Variants in CCSER2 observed in about 807,000 individuals in gnomAD.
The protein encoded by CCSER2 is coiled-coil serine rich protein 2.
Under a neutral mutation model 92.3 loss-of-function variants are expected in CCSER2, and 46 were observed. The observed-to-expected ratio is 0.50, with a 90% CI of 0.39 to 0.64. The LOEUF is 0.64. CCSER2 is among the 30% of genes least tolerant of loss of function. The pLI, the probability that CCSER2 is intolerant of heterozygous loss-of-function variation, is 0.00. For missense variants in CCSER2, 1,244 were observed against 1,238.9 expected (o/e 1.00, Z -0.06); for synonymous variants, 433 against 431.4 (o/e 1.00, Z -0.04).
intron 3 of CCSER2, among the ~76,000 whole-genome samples, chr10:84,376,698 T>C (rs1455218610): frequency 6.6e-6 from 1 of 152,124 alleles, no homozygotes; most frequent in African/African-American, 2.4e-5. Context: ...TCATTTTTGT[T>C]GGGAAAATGT....
chr10:84,434,159 C>T (rs1217244427), intron 5 of CCSER2, among the ~76,000 whole-genome samples: 1 of 151,984 alleles, frequency 6.6e-6, no homozygotes, highest in Non-Finnish European at 1.5e-5. Context: ...TTTTTATTAC[C>T]CTTCTTACAC....
intron 9 of CCSER2, among the ~76,000 whole-genome samples, chr10:84,483,050 A>T (rs895589590): frequency 6.6e-6 from 1 of 152,222 alleles, no homozygotes; most frequent in East Asian, 1.9e-4. Context: ...TATATAAAAG[A>T]TATGCATATG....
At chr10:84,359,684 A>G (rs898630355) in intron 1 of CCSER2, among the ~76,000 whole-genome samples, 7 of 152,042 alleles carry the variant, frequency 4.6e-5, no homozygotes, top group Non-Finnish European at 7.3e-5. Flanking sequence ...ATAGGGGTAT[A>G]TAAGTGCTCC....
intron 5 of CCSER2, among the ~76,000 whole-genome samples, chr10:84,436,382 T>C (rs1478503789): frequency 5.6e-5 from 7 of 125,156 alleles, no homozygotes; most frequent in African/African-American, 2.1e-4. Context: ...AAGCCTGTCA[T>C]CCCAGCACTT....
At chr10:84,394,128 T>G (rs1406750718) in intron 3 of CCSER2, among the ~76,000 whole-genome samples, 1 of 152,216 alleles carries the variant, frequency 6.6e-6, no homozygotes, top group Non-Finnish European at 1.5e-5. Context: ...TAAACATAAT[T>G]ATATTTTTCT....
chr10:84,436,959 C>T (rs1844195432), intron 5 of CCSER2, among the ~76,000 whole-genome samples: 1 of 151,890 alleles, frequency 6.6e-6, no homozygotes, highest in African/African-American at 2.4e-5. Context: ...AAATTTAATG[C>T]GTTGGAATTT....
chr10:84,369,692 TG>T (rs1196431841), intron 1 of CCSER2, among the ~76,000 whole-genome samples: 1 of 152,146 alleles, frequency 6.6e-6, no homozygotes, highest in African/African-American at 2.4e-5. Context: ...TTGTTGCATT[TG>T]CTTTTTGTGT....
intron 3 of CCSER2, chr10:84,393,859 G>A (rs748101754): frequency 1.3e-5 from 2 of 152,154 alleles, no homozygotes; most frequent in African/African-American, 2.4e-5. Context: ...GCATAGATGT[G>A]GTAGTGGAGG....
At chr10:84,434,992 A>T (rs1844019560) in intron 5 of CCSER2, among the ~76,000 whole-genome samples, 1 of 152,218 alleles carries the variant, frequency 6.6e-6, no homozygotes, top group African/African-American at 2.4e-5. Flanking sequence ...CTGTGAAACA[A>T]ATTAAGGATC....
chr10:84,490,208 A>G (rs1472294990), intron 9 of CCSER2, among the ~76,000 whole-genome samples: 3 of 152,010 alleles, frequency 2.0e-5, no homozygotes, highest in Admixed American at 1.3e-4. Context: ...GAATCTGACA[A>G]TTATGTGTCT....
At chr10:84,446,603 T>C (rs1048237178) in intron 6 of CCSER2, among the ~76,000 whole-genome samples, 12 of 149,142 alleles carry the variant, frequency 8.0e-5, no homozygotes, top group African/African-American at 2.9e-4. Context: ...AAAAGGAGTT[T>C]ATGAAATATT....
intron 1 of CCSER2, among the ~76,000 whole-genome samples, chr10:84,363,309 AT>A (rs1281947242): frequency 8.5e-5 from 13 of 152,128 alleles, no homozygotes; most frequent in African/African-American, 3.1e-4. Context: ...TTTAATTGCT[AT>A]AATCAAGCCT....
intron 1 of CCSER2, among the ~76,000 whole-genome samples, chr10:84,349,422 C>T (rs987931791): frequency 4.6e-5 from 7 of 152,126 alleles, no homozygotes; most frequent in African/African-American, 1.7e-4. Context: ...CCTATAATCC[C>T]AGCACTTGGG....
At chr10:84,377,291 A>C (rs1365154011) in intron 3 of CCSER2, among the ~76,000 whole-genome samples, 1 of 152,068 alleles carries the variant, frequency 6.6e-6, no homozygotes, top group African/African-American at 2.4e-5. Flanking sequence ...ATATGTTTCA[A>C]TGTTTTGCTC....
intron 6 of CCSER2, among the ~76,000 whole-genome samples, chr10:84,446,887 C>T (rs528971303): frequency 7.7e-4 from 117 of 152,074 alleles, no homozygotes; most frequent in African/African-American, 2.7e-3. Context: ...TCTATGGCTT[C>T]TTTCATTCAA....
chr10:84,428,981 A>ATGTG (rs199623045), intron 5 of CCSER2, among the ~76,000 whole-genome samples: 3 of 51,526 alleles, frequency 5.8e-5, no homozygotes, highest in African/African-American at 1.6e-4. Context: ...TTGTGTGTGT[A>ATGTG]TGTGTATATA....
At chr10:84,497,579 A>G (rs1156238040) in intron 9 of CCSER2, among the ~76,000 whole-genome samples, 1 of 152,220 alleles carries the variant, frequency 6.6e-6, no homozygotes, top group Admixed American at 6.5e-5. Flanking sequence ...GACAGATGCT[A>G]CAGCTGCATC....
At chr10:84,484,019 G>A (rs1276310918) in intron 9 of CCSER2, among the ~76,000 whole-genome samples, 18 of 126,536 alleles carry the variant, frequency 1.4e-4, no homozygotes, top group Non-Finnish European at 2.6e-4. Context: ...TTTTTGAGAC[G>A]GAGTCTCGCT....
chr10:84,466,499 G>GT (rs201517625), intron 7 of CCSER2, among the ~76,000 whole-genome samples: 8,124 of 144,656 alleles, frequency 0.056, 320 homozygotes, highest in Admixed American at 0.097. Context: ...TCTTTTTTTT[G>GT]TTTTTTTGGT....
Sources: gnomAD v4.1 joint callset for allele counts (sites outside exome capture counted in the v4.1 genomes callset) on GRCh38, gnomAD v4.1.1 for gene constraint, MANE v1.5 for transcripts, NCBI Gene and HGNC (gene_info 2026-07-23, HGNC 2026-07-21) for gene names.